PRKG1: variants seen among roughly 807,000 people sequenced by gnomAD.
PRKG1 encodes cGMP-dependent protein kinase 1.
A neutral mutation model predicts 88.1 loss-of-function variants in PRKG1; 35 were observed. The ratio of observed to expected loss-of-function variants is 0.40; its 90% CI spans 0.30 to 0.53. The LOEUF (loss-of-function observed/expected upper bound fraction) is 0.53. Ranked by LOEUF, PRKG1 falls within the 20% of genes least tolerant of loss-of-function variation. PRKG1 has a pLI of 0.59. For synonymous variants in PRKG1, 303 were observed against 292.5 expected, an observed-to-expected ratio of 1.04 and a Z score of -0.37; for missense variants, 540 against 839.8, an observed-to-expected ratio of 0.64 and a Z score of 4.41.
At chr10:51,303,894 C>T (rs1045329035) in intron 2 of PRKG1, among the ~76,000 whole-genome samples, 2 of 152,080 alleles carry the variant, frequency 1.3e-5, no homozygotes, top group African/African-American at 2.4e-5. Flanking sequence ...GATCTCAGCT[C>T]ACCGCAACCT....
intron 2 of PRKG1, among the ~76,000 whole-genome samples, chr10:51,374,093 A>AATATATATATATATATATAT (rs58198784): frequency 8.0e-5 from 8 of 100,150 alleles, no homozygotes; most frequent in Non-Finnish European, 1.3e-4. Flanking sequence ...AAAAAAAAAA[A>AATATATATATATATATATAT]ATATATATAT....
At chr10:52,204,861 G>A (rs369849295) in intron 9 of PRKG1, among the ~76,000 whole-genome samples, 8 of 152,160 alleles carry the variant, frequency 5.3e-5, no homozygotes, top group African/African-American at 1.9e-4. Flanking sequence ...GGGAGATAAA[G>A]TCTGGCTGCC....
intron 1 of PRKG1, among the ~76,000 whole-genome samples, chr10:51,086,786 C>T (rs949921328): frequency 2.0e-5 from 3 of 152,080 alleles, no homozygotes; most frequent in Admixed American, 2.0e-4. Flanking sequence ...CTCGAGTGAC[C>T]CTTTCTCATC....
chr10:51,907,673 T>C (rs986291750), intron 5 of PRKG1, 103 bp downstream of exon 5: 3 of 1,032,546 alleles, frequency 2.9e-6, no homozygotes, highest in East Asian at 2.5e-5. Context: ...CAGAGATCTT[T>C]AAAAAATTTC....
At chr10:51,213,632 T>C (rs1202098035) in intron 2 of PRKG1, among the ~76,000 whole-genome samples, 3 of 152,320 alleles carry the variant, frequency 2.0e-5, no homozygotes, top group African/African-American at 4.8e-5. Context: ...GTGAAGTCAT[T>C]GTTGTAATTT....
At chr10:51,424,016 A>G (rs758241839) in intron 2 of PRKG1, among the ~76,000 whole-genome samples, 2 of 152,168 alleles carry the variant, frequency 1.3e-5, no homozygotes. Context: ...AAAATAATAC[A>G]AAGACTCTTC....
chr10:51,903,176 G>A (rs766696704), intron 4 of PRKG1, among the ~76,000 whole-genome samples: 44 of 152,230 alleles, frequency 2.9e-4, no homozygotes, highest in Non-Finnish European at 5.1e-4. Flanking sequence ...ATGGGCAAAT[G>A]TGGGAGGGTT....
In PRKG1 at chr10:51,311,012, G is replaced by A. The variant is rs187625000; in HGVS notation, c.479-156711G>A. Among the ~76,000 whole-genome samples, 265 of 150,848 alleles carry A rather than the reference G, an allele frequency of 1.8e-3. 3 individuals carry two copies. The highest frequency in any genetic ancestry group is 4.3e-4 in the Non-Finnish European group (29 of 67,620). ...GCTGTTTCCAGCCTGTGCAGATCTC[G>A]GAACAGAAGAAGCAGAGTATGCATC... is the stretch of plus-strand genomic sequence containing the variant. On this transcript the variant is annotated intron_variant, in intron 2 of 17. Coordinates refer to ENST00000373980, the MANE Select transcript of PRKG1 (RefSeq NM_006258.4).
chr10:51,895,118 C>T (rs1022192374), intron 4 of PRKG1, among the ~76,000 whole-genome samples: 4 of 152,126 alleles, frequency 2.6e-5, no homozygotes, highest in African/African-American at 9.7e-5. Context: ...ATCATCTGGA[C>T]TGAGACTTAT....
intron 3 of PRKG1, among the ~76,000 whole-genome samples, chr10:51,646,694 G>A (rs1042294191): frequency 2.0e-5 from 3 of 151,936 alleles, no homozygotes; most frequent in Non-Finnish European, 2.9e-5. Flanking sequence ...TCTTGTTTTA[G>A]GCTTGAACTT....
chr10:51,021,581 C>T (rs776244437), intron 1 of PRKG1, among the ~76,000 whole-genome samples: 26 of 152,210 alleles, frequency 1.7e-4, no homozygotes, highest in Non-Finnish European at 3.1e-4. Flanking sequence ...ACAGATTTGG[C>T]AGACTGTGTG....
intron 9 of PRKG1, among the ~76,000 whole-genome samples, chr10:52,167,136 C>T (rs1295259735): frequency 6.6e-6 from 1 of 152,004 alleles, no homozygotes; most frequent in Non-Finnish European, 1.5e-5. Flanking sequence ...CATGGTTCTA[C>T]AGGCTGTACA....
chr10:52,062,463 A>G lies in PRKG1; in HGVS notation c.841-74A>G, dbSNP rs1321029000. The G allele has an allele frequency of 6.8e-6, 6 of 876,022 alleles. No individual in the cohort carries two copies. In the African/African-American group the frequency reaches 6.9e-5, roughly 10 times the overall value. The allele number at this position is 876,022 out of a possible 1,614,324, so 54.3% of individuals were successfully genotyped here. A position where few individuals can be genotyped will look rare whatever the true frequency, so the allele number is the denominator to read the frequency against. On this transcript the variant is annotated intron_variant, in intron 6 of 17. Transcript: ENST00000373980. ...AGAAAAGAAACAAGAAACGGAATTA[A>G]CTTCATTAATTAGTGTTCCTTTGTC...
At position 51,930,495 on chromosome 10, in the gene PRKG1, C is replaced by CTTTTTTTTT. The variant is rs3029977; in HGVS notation, c.762+22938_762+22946dup. Among the ~76,000 whole-genome samples, 3 of 104,472 alleles carry CTTTTTTTTT rather than the reference C, an allele frequency of 2.9e-5. 1 individual carries two copies. Among genetic ancestry groups the CTTTTTTTTT allele is most frequent in the African/African-American group, 1.1e-4 (3 of 27,730 alleles). The allele number at this position is 104,472 out of a possible 152,430, so 68.5% of individuals were successfully genotyped here. On this transcript the variant is annotated intron_variant, in intron 5 of 17. Transcript: ENST00000373980. ...TTTTAAAAGAACCTTTTTTTTTCCT[C>CTTTTTTTTT]TTTTTTTTTTTTTTTTTTTTTGAGA...
intron 2 of PRKG1, among the ~76,000 whole-genome samples, chr10:51,399,175 T>C (rs892777055): frequency 2.0e-5 from 3 of 151,896 alleles, no homozygotes; most frequent in Admixed American, 6.6e-5. Flanking sequence ...TAAGATGTGT[T>C]ATATATTAAT....
chr10:51,655,203 G>C (rs1051511866), intron 3 of PRKG1, among the ~76,000 whole-genome samples: 2 of 152,078 alleles, frequency 1.3e-5, no homozygotes, highest in African/African-American at 4.8e-5. Context: ...TCATTCTCAA[G>C]TTTCCAAATC....
intron 2 of PRKG1, among the ~76,000 whole-genome samples, chr10:51,435,387 A>C (rs963581716): frequency 6.6e-5 from 10 of 150,558 alleles, no homozygotes; most frequent in African/African-American, 2.5e-4. Flanking sequence ...CTTGACTTGC[A>C]CTTGCCTACA....
At chr10:51,558,712 C>T (rs549114915) in intron 3 of PRKG1, among the ~76,000 whole-genome samples, 6 of 152,070 alleles carry the variant, frequency 3.9e-5, no homozygotes, top group East Asian at 3.9e-4. Context: ...TGTTCCTATT[C>T]GAAGAGACAA....
chr10:51,144,020 G>A (rs2131959778), intron 1 of PRKG1, among the ~76,000 whole-genome samples: 1 of 151,766 alleles, frequency 6.6e-6, no homozygotes, highest in East Asian at 1.9e-4. Flanking sequence ...GCGATTTTGA[G>A]GTTTTATCCA....
Sources: gnomAD v4.1 joint callset for allele counts (sites outside exome capture counted in the v4.1 genomes callset) on GRCh38, gnomAD v4.1.1 for gene constraint, MANE v1.5 for transcripts, NCBI Gene and HGNC (gene_info 2026-07-23, HGNC 2026-07-21) for gene names.